Variants in IGSF10 observed in about 807,000 individuals in gnomAD.
IGSF10 encodes the protein calvaria mechanical force protein 608.
IGSF10 carries 126 observed loss-of-function variants against 128.2 expected under a neutral mutation model. The ratio of observed to expected loss-of-function variants is 0.98; its 90% CI spans 0.85 to 1.14. IGSF10 has a LOEUF of 1.14. IGSF10 is among the 50% of genes most tolerant of loss of function. The pLI is 0.00. For synonymous variants in IGSF10, 1,185 were observed against 1,146.2 expected, an observed-to-expected ratio of 1.03 and a Z score of -0.68; for missense variants, 3,295 against 3,149.8, an observed-to-expected ratio of 1.05 and a Z score of -1.10.
At chr3:151,432,887 A>AC, downstream of IGSF10, 1 of 1,017,344 alleles carries the variant, frequency 9.8e-7, no homozygotes. Context: ...CATCTTAAAA[A>AC]TGTCCCTTTT....
the IGSF10 span, among the ~76,000 whole-genome samples, chr3:151,528,753 C>T: frequency 6.6e-6 from 1 of 151,046 alleles, no homozygotes; most frequent in Non-Finnish European, 1.5e-5. Context: ...TGGGTTTAAG[C>T]AAAAAACTAA....
chr3:151,497,075 G>A, the IGSF10 span, among the ~76,000 whole-genome samples: 9 of 151,852 alleles, frequency 5.9e-5, no homozygotes, highest in African/African-American at 1.9e-4. Context: ...CTGGATATTA[G>A]CCCTTTGTCA....
Position 151,437,916 on chromosome 3 carries a change from G to A in IGSF10, c.6645C>T (p.Ala2215=), listed in dbSNP as rs766444683. 1 of 1,614,070 alleles carries A rather than the reference G, an allele frequency of 6.2e-7. No individual in the cohort carries two copies. The highest frequency in any genetic ancestry group is 1.6e-4 in the Middle Eastern group (1 of 6,062). ...TGGTGTCATCCCCACTGGGATTTCGGGCTACACATACGTACTCTCCAGAAT... is the reference window on the plus strand; with the variant it reads ...TGGTGTCATCCCCACTGGGATTTCGAGCTACACATACGTACTCTCCAGAAT... ...LLDSGEYVCV[A]RNPSGDDTKM... is the part of the protein sequence containing the mutation. The change falls in exon 8 of 8, where the codon GCC becomes GCT. Residue 2215 remains alanine, a synonymous_variant. Transcript: ENST00000282466.
chr3:151,495,491 C>T, the IGSF10 span, among the ~76,000 whole-genome samples: 1 of 152,014 alleles, frequency 6.6e-6, no homozygotes, highest in Non-Finnish European at 1.5e-5. Context: ...TGGGCTAAAA[C>T]ACCAATTCTA....
the IGSF10 span, among the ~76,000 whole-genome samples, chr3:151,547,063 G>A: frequency 1.3e-5 from 2 of 151,578 alleles, no homozygotes; most frequent in African/African-American, 2.4e-5. Context: ...GTGAACCACC[G>A]TGCCCGGCCT....
chr3:151,566,581 G>A, the IGSF10 span, among the ~76,000 whole-genome samples: 1 of 152,138 alleles, frequency 6.6e-6, no homozygotes, highest in Non-Finnish European at 1.5e-5. Context: ...GAGCTCAGAG[G>A]AAATCATGCC....
chr3:151,509,875 T>C, the IGSF10 span, among the ~76,000 whole-genome samples: 1 of 152,236 alleles, frequency 6.6e-6, no homozygotes, highest in East Asian at 1.9e-4. Flanking sequence ...GCCTCCCTCA[T>C]TGCTAGCACA....
the IGSF10 span, among the ~76,000 whole-genome samples, chr3:151,501,016 C>T: frequency 6.6e-6 from 1 of 151,894 alleles, no homozygotes; most frequent in African/African-American, 2.4e-5. Flanking sequence ...GATATATAAT[C>T]CTCCCATGAA....
the IGSF10 span, among the ~76,000 whole-genome samples, chr3:151,533,223 T>C: frequency 6.6e-6 from 1 of 152,146 alleles, no homozygotes; most frequent in Non-Finnish European, 1.5e-5. Context: ...ATCGTGAAAA[T>C]GGCCATACAG....
At chr3:151,527,437 T>C in the IGSF10 span, among the ~76,000 whole-genome samples, 3 of 152,190 alleles carry the variant, frequency 2.0e-5, no homozygotes, top group Non-Finnish European at 2.9e-5. Context: ...ATTTTTTATA[T>C]AGCAGTGATA....
At chr3:151,459,673 A>G (rs918368462) in intron 2 of IGSF10, among the ~76,000 whole-genome samples, 1 of 152,202 alleles carries the variant, frequency 6.6e-6, no homozygotes, top group African/African-American at 2.4e-5. Context: ...CTTGTCAGAA[A>G]AAAAAAAATG....
In IGSF10 at chr3:151,438,108, C is replaced by G; in HGVS notation, c.6453G>C (p.Lys2151Asn). 1 of 1,614,182 alleles carries G rather than the reference C, an allele frequency of 6.2e-7. No individual in the cohort carries two copies. The highest frequency in any genetic ancestry group is 8.5e-7 in the Non-Finnish European group (1 of 1,180,016). Residue 2151 changes from lysine (K) to asparagine (N), a missense_variant, in exon 8 of 8, where the codon AAG becomes AAC. By Grantham distance (94) the Lys-to-Asn change is moderately conservative (BLOSUM62 0). Transcript: ENST00000282466. ...CAGCTGTGTCTCCAGCTTTGATTCT[C>G]TTGTTGGTTTTGTTACTCTGCCTTA... is the stretch of plus-strand genomic sequence containing the variant. The part of the protein sequence containing the change: ...PRIRQSNKTN[K>N]RIKAGDTAVL...
At chr3:151,482,015 C>G in the IGSF10 span, among the ~76,000 whole-genome samples, 169 of 152,220 alleles carry the variant, frequency 1.1e-3, no homozygotes, top group African/African-American at 3.7e-3. Flanking sequence ...CCTGCCCAAC[C>G]GACACCCTCA....
chr3:151,543,083 A>G, the IGSF10 span, among the ~76,000 whole-genome samples: 1 of 152,120 alleles, frequency 6.6e-6, no homozygotes, highest in African/African-American at 2.4e-5. Flanking sequence ...ATTATATCAG[A>G]ATTTTGGTTT....
the IGSF10 span, among the ~76,000 whole-genome samples, chr3:151,535,164 T>C: frequency 3.3e-5 from 5 of 152,190 alleles, no homozygotes; most frequent in African/African-American, 1.2e-4. Flanking sequence ...ACAATAACTA[T>C]TAAATCTAGT....
chr3:151,563,105 A>G, the IGSF10 span, among the ~76,000 whole-genome samples: 1 of 121,214 alleles, frequency 8.2e-6, no homozygotes, highest in Non-Finnish European at 1.8e-5. Flanking sequence ...AACTCCTAAC[A>G]CACATTTTTC....
the IGSF10 span, among the ~76,000 whole-genome samples, chr3:151,550,891 G>A: frequency 8.5e-5 from 13 of 152,260 alleles, no homozygotes; most frequent in Admixed American, 7.8e-4. Flanking sequence ...GCCTGCGATT[G>A]TATGCTTGCC....
At chr3:151,581,258 C>A in the IGSF10 span, among the ~76,000 whole-genome samples, 1 of 152,162 alleles carries the variant, frequency 6.6e-6, no homozygotes, top group African/African-American at 2.4e-5. Context: ...CCCCATTCAA[C>A]TTAGACCCCA....
chr3:151,447,129 G>A lies in IGSF10; in HGVS notation c.2852C>T (p.Thr951Ile). The A allele has an allele frequency of 6.2e-7, 1 of 1,614,176 alleles. No homozygotes were observed. Residue 951 changes from threonine (T) to isoleucine (I), a missense_variant, in exon 6 of 8, where the codon ACA becomes ATA. Coordinates refer to ENST00000282466, the MANE Select transcript of IGSF10 (RefSeq NM_178822.5). ...NKLLLESVNTTNSHQTSVREV... is the reference protein window; with the variant it reads ...NKLLLESVNTINSHQTSVREV... ...TCTTACAGATGTCTGATGACTATTT[G>A]TGGTATTTACTGACTCTAATAATAG... is the stretch of plus-strand genomic sequence containing the variant.
Sources: gnomAD v4.1 joint callset for allele counts (sites outside exome capture counted in the v4.1 genomes callset) on GRCh38, gnomAD v4.1.1 for gene constraint, MANE v1.5 for transcripts, NCBI Gene and HGNC (gene_info 2026-07-23, HGNC 2026-07-21) for gene names.